ZNF385D: variants seen among roughly 807,000 people sequenced by gnomAD.
ZNF385D encodes the protein zinc finger protein 385D.
Under a neutral mutation model 35.8 loss-of-function variants are expected in ZNF385D, and 15 were observed. The ratio of observed to expected loss-of-function variants is 0.42; its 90% CI spans 0.28 to 0.64. ZNF385D has a LOEUF of 0.64. Ranked by LOEUF, ZNF385D falls within the 30% of genes least tolerant of loss-of-function variation. ZNF385D has a pLI of 0.23. For missense variants in ZNF385D, 474 were observed against 494.6 expected (o/e 0.96, Z 0.39); for synonymous variants, 212 against 186.8 (o/e 1.13, Z -1.10).
At chr3:22,156,948 G>A (rs1042915548) in intron 3 of ZNF385D, among the ~76,000 whole-genome samples, 3 of 152,062 alleles carry the variant, frequency 2.0e-5, no homozygotes, top group Non-Finnish European at 4.4e-5. Flanking sequence ...ACAAGTTCCA[G>A]ATCTCCCACA....
At chr3:21,797,731 G>A (rs2072215870) in intron 3 of ZNF385D, among the ~76,000 whole-genome samples, 3 of 152,130 alleles carry the variant, frequency 2.0e-5, no homozygotes, top group Admixed American at 2.0e-4. Context: ...ATATTATCAA[G>A]TGAAACGAGC....
At chr3:22,338,365 G>C (rs1695265412) in intron 2 of ZNF385D, among the ~76,000 whole-genome samples, 2 of 152,254 alleles carry the variant, frequency 1.3e-5, no homozygotes, top group South Asian at 2.1e-4. Context: ...ACACATAAGA[G>C]AGAGAAAATA....
intron 3 of ZNF385D, among the ~76,000 whole-genome samples, chr3:21,912,332 A>G (rs767100543): frequency 3.3e-4 from 50 of 152,192 alleles, no homozygotes; most frequent in Non-Finnish European, 5.3e-4. Flanking sequence ...TACTTCATCA[A>G]TAAATTTTTC....
At chr3:21,674,303 G>C (rs1385820868) in intron 1 of ZNF385D, among the ~76,000 whole-genome samples, 3 of 152,050 alleles carry the variant, frequency 2.0e-5, no homozygotes, top group African/African-American at 7.2e-5. Context: ...TGAGGAATGA[G>C]TGAGGGTATC....
rs1210710161 is a variant in ZNF385D at position 21,418,949 on chromosome 3, G to A, written c.*2265C>T. On this transcript the variant is annotated 3_prime_UTR_variant, in exon 8 of 8. Transcript: ENST00000281523. ...CTTATGGGCAACTATCCACCTGGCT[G>A]AACTACCAGGGTCTGTAGGTGAAAA... is the stretch of plus-strand genomic sequence containing the variant. The A allele has an allele frequency of 6.6e-6, 1 of 152,158 alleles. No individual in the cohort carries two copies. Among genetic ancestry groups the A allele is most frequent in the Admixed American group, 6.5e-5 (1 of 15,272 alleles). The allele number at this position is 152,158 out of a possible 1,614,324, so 9.4% of individuals were successfully genotyped here.
intron 3 of ZNF385D, among the ~76,000 whole-genome samples, chr3:22,150,857 C>T (rs1166604621): frequency 1.3e-5 from 2 of 151,834 alleles, no homozygotes; most frequent in South Asian, 4.2e-4. Flanking sequence ...AGGGTGGGTT[C>T]CTCAGGAGAT....
chr3:21,981,505 T>C (rs1241939200), intron 3 of ZNF385D, among the ~76,000 whole-genome samples: 1 of 152,164 alleles, frequency 6.6e-6, no homozygotes, highest in Non-Finnish European at 1.5e-5. Context: ...TTTCCTCTCA[T>C]TCCGTAGGTT....
chr3:21,695,602 C>T (rs1377032476), intron 1 of ZNF385D, among the ~76,000 whole-genome samples: 1 of 152,082 alleles, frequency 6.6e-6, no homozygotes, highest in Non-Finnish European at 1.5e-5. Flanking sequence ...GTATAAAACT[C>T]GTCAAATGAT....
intron 1 of ZNF385D, among the ~76,000 whole-genome samples, chr3:21,746,792 T>A (rs189395857): frequency 6.6e-6 from 1 of 152,212 alleles, no homozygotes; most frequent in African/African-American, 2.4e-5. Context: ...TAAAAAGGAA[T>A]GTTTTTCTCT....
intron 2 of ZNF385D, among the ~76,000 whole-genome samples, chr3:22,304,577 G>A (rs535179987): frequency 2.4e-4 from 36 of 152,244 alleles, no homozygotes; most frequent in Middle Eastern, 3.4e-3. Context: ...TATGGTTAGT[G>A]ATATAATCAT....
intron 3 of ZNF385D, among the ~76,000 whole-genome samples, chr3:21,793,336 T>C (rs1397734690): frequency 1.3e-5 from 2 of 152,208 alleles, no homozygotes; most frequent in African/African-American, 4.8e-5. Flanking sequence ...AAGGAAATAT[T>C]TTATAAACCA....
rs554539291 is a variant in ZNF385D, at chr3:21,817,561, G to C, written c.326-152533C>G. Among the ~76,000 whole-genome samples the C allele has an allele frequency of 3.1e-4, 47 of 152,236 alleles. No homozygotes were observed. The South Asian group carries it at 9.1e-3, about 30-fold the overall frequency. ...AAATAAGACATTTATGCAGCCAACA[G>C]ACACATGAAAAAATGCTCATCATCA... On this transcript the variant is annotated intron_variant, in intron 3 of 5. Transcript: ENST00000494108.
intron 3 of ZNF385D, among the ~76,000 whole-genome samples, chr3:21,833,183 T>C (rs559247516): frequency 4.6e-5 from 7 of 152,278 alleles, no homozygotes; most frequent in East Asian, 1.9e-4. Flanking sequence ...TCCTGTATTA[T>C]TGAGTTTTCT....
At chr3:21,741,307 A>T (rs1229997916) in intron 1 of ZNF385D, among the ~76,000 whole-genome samples, 1 of 152,172 alleles carries the variant, frequency 6.6e-6, no homozygotes, top group African/African-American at 2.4e-5. Context: ...GATCCTACAC[A>T]ACTTTTCTTT....
At chr3:22,370,846 A>G (rs1285837635) in intron 2 of ZNF385D, among the ~76,000 whole-genome samples, 1 of 152,194 alleles carries the variant, frequency 6.6e-6, no homozygotes, top group Non-Finnish European at 1.5e-5. Flanking sequence ...GGTAACCCCA[A>G]AGATCTCTCA....
chr3:21,496,430 A>T (rs914008638), intron 4 of ZNF385D, among the ~76,000 whole-genome samples: 28 of 143,432 alleles, frequency 2.0e-4, no homozygotes, highest in African/African-American at 7.0e-4. Context: ...TATATCATAT[A>T]TACATATATA....
chr3:21,842,552 T>G (rs1695747962), intron 3 of ZNF385D, among the ~76,000 whole-genome samples: 1 of 152,054 alleles, frequency 6.6e-6, no homozygotes. Context: ...CTCATGGCAA[T>G]GCTTTTAAAT....
chr3:22,307,759 A>AC (rs1703313312), intron 2 of ZNF385D, among the ~76,000 whole-genome samples: 1 of 151,972 alleles, frequency 6.6e-6, no homozygotes, highest in South Asian at 2.1e-4. Context: ...AAAAAAAAAA[A>AC]AAACTTTCTT....
At chr3:21,511,722 C>T (rs963556181) in intron 3 of ZNF385D, 2 of 456,544 alleles carry the variant, frequency 4.4e-6, no homozygotes, top group Non-Finnish European at 4.4e-6. Flanking sequence ...TTTGTACTAC[C>T]TAATGGGGCC....
Sources: allele counts gnomAD v4.1 joint callset (sites outside exome capture counted in the v4.1 genomes callset), GRCh38; gene constraint gnomAD v4.1.1; transcripts MANE v1.5; gene names NCBI Gene and HGNC (gene_info 2026-07-23, HGNC 2026-07-21).